Variants in ANKRD30A observed in about 807,000 individuals in gnomAD.
The protein encoded by ANKRD30A is ankyrin repeat domain-containing protein 30A.
A neutral mutation model predicts 166.3 loss-of-function variants in ANKRD30A; 170 were observed. That is an observed-to-expected ratio of 1.02 (90% CI 0.90 to 1.16). The LOEUF is 1.16. Among genes scored for constraint, ANKRD30A ranks in the 50% most tolerant of loss-of-function variants. The pLI is 0.00. For synonymous variants in ANKRD30A, 564 were observed against 508.9 expected (o/e 1.11, Z -1.46); for missense variants, 1,630 against 1,518.0 (o/e 1.07, Z -1.23).
chr10:37,243,635 A>C, the ANKRD30A span, among the ~76,000 whole-genome samples: 1 of 152,026 alleles, frequency 6.6e-6, no homozygotes, highest in Non-Finnish European at 1.5e-5. Flanking sequence ...CTTAAGTGAA[A>C]GACGTATAAT....
At chr10:37,161,862 C>G (rs981924899) in intron 15 of ANKRD30A, among the ~76,000 whole-genome samples, 1 of 151,998 alleles carries the variant, frequency 6.6e-6, no homozygotes, top group Admixed American at 6.6e-5. Context: ...CCGAACCAGA[C>G]GAATTGTAGG....
At chr10:37,233,182 A>G (rs977244252), downstream of ANKRD30A, among the ~76,000 whole-genome samples, 4 of 152,134 alleles carry the variant, frequency 2.6e-5, no homozygotes, top group African/African-American at 9.6e-5. Flanking sequence ...CCAAATGGGA[A>G]CAATTAAATG....
chr10:37,223,919 AAAG>A (rs1372601252), intron 34 of ANKRD30A, among the ~76,000 whole-genome samples: 1 of 151,252 alleles, frequency 6.6e-6, no homozygotes, highest in Non-Finnish European at 1.5e-5. Flanking sequence ...TGAATTAGGA[AAAG>A]AAATAACTGG....
Position 37,166,653 on chromosome 10 carries a change from G to A in ANKRD30A, c.2113G>A (p.Ala705Thr), listed in dbSNP as rs372025602. 2,595 of 1,513,792 alleles carry A rather than the reference G, an allele frequency of 1.7e-3. 6 individuals carry two copies. Among genetic ancestry groups the A allele is most frequent in the Non-Finnish European group, 1.9e-3 (2,131 of 1,120,624 alleles). The allele number at this position is 1,513,792 out of a possible 1,614,324, so 93.8% of individuals were successfully genotyped here. Reference protein sequence around the residue: ...SQKDVCLPKAAHQKEIDKING... With the variant: ...SQKDVCLPKATHQKEIDKING... The stretch of plus-strand genomic sequence containing the variant: ...GAAGGATGTGTGTTTACCCAAGGCT[G>A]CGCATCAAAAAGAAATAGATAAAAT... Residue 705 changes from alanine (A) to threonine (T), a missense_variant, in exon 19 of 36, where the codon GCG becomes ACG. Physicochemically the swap from Ala to Thr is moderately conservative, Grantham distance 58. This residue lies in a region of ANKRD30A where 12 missense variants were observed against 27.4 expected (regional missense o/e 0.44). Coordinates refer to ENST00000361713, the MANE Select transcript of ANKRD30A (RefSeq NM_052997.3).
At chr10:37,191,222 A>G (rs1026473790) in intron 25 of ANKRD30A, among the ~76,000 whole-genome samples, 32 of 152,068 alleles carry the variant, frequency 2.1e-4, no homozygotes, top group African/African-American at 7.7e-4. Context: ...TGAGATGAGT[A>G]AGCTAGAAAT....
intron 34 of ANKRD30A, among the ~76,000 whole-genome samples, chr10:37,229,575 G>A (rs775429207): frequency 1.1e-4 from 16 of 151,834 alleles, no homozygotes; most frequent in Non-Finnish European, 1.9e-4. Flanking sequence ...ACTCTACAAT[G>A]CCACAGAACA....
chr10:37,161,857 C>T (rs1366716393), intron 15 of ANKRD30A, among the ~76,000 whole-genome samples: 1 of 152,044 alleles, frequency 6.6e-6, no homozygotes, highest in Non-Finnish European at 1.5e-5. Flanking sequence ...ATACACCGAA[C>T]CAGACGAATT....
intron 6 of ANKRD30A, among the ~76,000 whole-genome samples, chr10:37,141,270 G>A (rs1341965750): frequency 1.3e-5 from 2 of 152,046 alleles, no homozygotes; most frequent in Non-Finnish European, 1.5e-5. Context: ...AAGAATTAAA[G>A]CTTTAAAAAG....
chr10:37,189,883 G>C (rs559314345), intron 25 of ANKRD30A, among the ~76,000 whole-genome samples: 2 of 151,796 alleles, frequency 1.3e-5, no homozygotes, highest in Non-Finnish European at 2.9e-5. Flanking sequence ...GAAGGAACAA[G>C]AAGCAGGTTT....
At chr10:37,232,695 A>ATATATATATATATATATATATATAT (rs1564604874), downstream of ANKRD30A, 2 of 10,852 alleles carry the variant, frequency 1.8e-4, no homozygotes, top group East Asian at 4.8e-3. Context: ...TATATATATA[A>ATATATATATATATATATATATATAT]ATAGAGAGAG....
chr10:37,241,470 C>G, the ANKRD30A span, among the ~76,000 whole-genome samples: 3 of 151,850 alleles, frequency 2.0e-5, no homozygotes, highest in Admixed American at 2.0e-4. Flanking sequence ...TTCTAAGCCT[C>G]TTTAACAAAC....
intron 33 of ANKRD30A, among the ~76,000 whole-genome samples, chr10:37,218,281 T>TACCA (rs1842704896): frequency 6.6e-6 from 1 of 150,988 alleles, no homozygotes; most frequent in African/African-American, 2.4e-5. Context: ...TTATCTTCTT[T>TACCA]CTTTTGTTTT....
intron 35 of ANKRD30A, among the ~76,000 whole-genome samples, chr10:37,232,009 T>C (rs918227411): frequency 2.0e-5 from 3 of 152,052 alleles, no homozygotes; most frequent in Non-Finnish European, 4.4e-5. Flanking sequence ...TTTTGGCTTA[T>C]TTTCTGATTG....
chr10:37,225,463 T>C (rs1409559928), intron 34 of ANKRD30A, among the ~76,000 whole-genome samples: 1 of 151,766 alleles, frequency 6.6e-6, no homozygotes. Context: ...AAGCTAAATT[T>C]CCATGGAGAT....
intron 33 of ANKRD30A, 121 bp from the exon 34 acceptor site, chr10:37,218,859 T>TGA (rs1842732694): frequency 3.0e-6 from 2 of 665,668 alleles, no homozygotes; most frequent in Non-Finnish European, 5.0e-6. Context: ...GTTCTTCAAC[T>TGA]GATACCTACT....
At chr10:37,199,860 CTTTAT>C (rs1564558237) in intron 30 of ANKRD30A, 72 bp downstream of exon 30, 1 of 935,020 alleles carries the variant, frequency 1.1e-6, no homozygotes, top group East Asian at 2.7e-5. Context: ...GATGCTTAGA[CTTTAT>C]TTTCTCACCT....
intron 34 of ANKRD30A, among the ~76,000 whole-genome samples, chr10:37,228,782 A>T (rs1468527047): frequency 6.6e-6 from 1 of 151,996 alleles, no homozygotes; most frequent in Non-Finnish European, 1.5e-5. Flanking sequence ...GAATAAATTA[A>T]TATCAACCTC....
intron 28 of ANKRD30A, 44 bp from the exon 29 acceptor site, chr10:37,197,364 A>G (rs749286938): frequency 6.2e-7 from 1 of 1,612,812 alleles, no homozygotes; most frequent in East Asian, 2.2e-5. Flanking sequence ...TATTTTGTGA[A>G]GTATACATTC....
At chr10:37,126,062 G>T in intron 1 of ANKRD30A, 54 bp downstream of exon 1, 72 of 1,170,544 alleles carry the variant, frequency 6.2e-5, no homozygotes, top group Non-Finnish European at 7.3e-5. Flanking sequence ...GCGGTGGGAG[G>T]ATCGCCCCTT....
Sources: allele counts gnomAD v4.1 joint callset (sites outside exome capture counted in the v4.1 genomes callset), GRCh38; gene constraint gnomAD v4.1.1; regional missense constraint gnomAD v4.1.1; transcripts MANE v1.5; gene names NCBI Gene and HGNC (gene_info 2026-07-23, HGNC 2026-07-21).